Variants in ITGA9 observed in about 807,000 individuals in gnomAD.
The protein encoded by ITGA9 is integrin subunit alpha 9.
In ITGA9, 56 loss-of-function variants were observed where a neutral mutation model predicts 127.8. That is an observed-to-expected ratio of 0.44 (90% CI 0.35 to 0.55). The LOEUF is 0.55. Ranked by LOEUF, ITGA9 falls within the 20% of genes least tolerant of loss-of-function variation. The pLI is 0.00. For missense variants in ITGA9, 1,196 were observed against 1,347.1 expected, an observed-to-expected ratio of 0.89 and a Z score of 1.76; for synonymous variants, 508 against 514.5, an observed-to-expected ratio of 0.99 and a Z score of 0.17.
intron 17 of ITGA9, 88 bp downstream of exon 17, chr3:37,653,878 T>C (rs921573223): frequency 2.2e-6 from 2 of 921,824 alleles, no homozygotes; most frequent in Non-Finnish European, 1.8e-6. Context: ...ATTTCCCCAC[T>C]GAAGAGGATA....
At chr3:37,477,498 A>G (rs1393303922) in intron 3 of ITGA9, among the ~76,000 whole-genome samples, 4 of 152,176 alleles carry the variant, frequency 2.6e-5, no homozygotes, top group African/African-American at 4.8e-5. Flanking sequence ...GTGCCTGCCC[A>G]TCTCAGCTCC....
intron 11 of ITGA9, among the ~76,000 whole-genome samples, chr3:37,523,320 G>T (rs565021030): frequency 2.6e-5 from 4 of 151,972 alleles, no homozygotes; most frequent in Non-Finnish European, 5.9e-5. Context: ...ATGACGTTTG[G>T]CCAAGACAAG....
intron 15 of ITGA9, among the ~76,000 whole-genome samples, chr3:37,550,158 G>T (rs775603654): frequency 6.6e-6 from 1 of 152,132 alleles, no homozygotes. Context: ...ATTTAAACCC[G>T]CAAGTCTGGC....
At position 37,513,747 on chromosome 3, in the gene ITGA9, C is replaced by T. The variant is rs766290916; in HGVS notation, c.898-16C>T. The T allele has an allele frequency of 6.8e-6, 11 of 1,613,970 alleles. No homozygotes were observed. In the African/African-American group the frequency reaches 1.2e-4, roughly 18 times the overall value. On this transcript the variant is annotated splice_polypyrimidine_tract_variant and intron_variant, in intron 8 of 27. Coordinates refer to ENST00000264741, the MANE Select transcript of ITGA9 (RefSeq NM_002207.3). ...GCAGACACTGAATGCTTTGTTGCAA[C>T]TCAACTTGGTTGCAGATGGGCTCTT...
intron 18 of ITGA9, among the ~76,000 whole-genome samples, chr3:37,693,907 C>T (rs989699946): frequency 1.3e-5 from 2 of 152,188 alleles, no homozygotes; most frequent in African/African-American, 4.8e-5. Flanking sequence ...ATAGTAGCCT[C>T]AAGTAAAATT....
chr3:37,560,707 G>C (rs546003153), intron 15 of ITGA9, among the ~76,000 whole-genome samples: 2 of 152,176 alleles, frequency 1.3e-5, no homozygotes, highest in African/African-American at 2.4e-5. Context: ...GACCGGTGAT[G>C]ATGAGCATTT....
At chr3:37,723,279 C>T (rs1218125055) in intron 18 of ITGA9, among the ~76,000 whole-genome samples, 1 of 151,978 alleles carries the variant, frequency 6.6e-6, no homozygotes, top group Non-Finnish European at 1.5e-5. Context: ...TTAATGGTGT[C>T]CTTTGAAACA....
At chr3:37,473,826 C>G (rs1400802144) in intron 3 of ITGA9, among the ~76,000 whole-genome samples, 1 of 152,126 alleles carries the variant, frequency 6.6e-6, no homozygotes, top group Non-Finnish European at 1.5e-5. Flanking sequence ...ACCATATGCC[C>G]ACTGAGATAT....
Position 37,663,990 on chromosome 3 carries a change from A to G in ITGA9, c.1916+10200A>G, listed in dbSNP as rs546371564. On this transcript the variant is annotated intron_variant, in intron 17 of 27. Transcript: ENST00000264741. ...GCATTATTATTTCATTTAATCCTCA[A>G]CAACACTGAGAATAAATATTCTTAT... 4.6e-5 allele frequency among the ~76,000 whole-genome samples: 7 copies of G among 152,360 alleles called. No homozygotes were observed. In the South Asian group the frequency reaches 1.2e-3, roughly 27 times the overall value.
chr3:37,492,328 C>T (rs1256059509), intron 4 of ITGA9, among the ~76,000 whole-genome samples: 2 of 152,208 alleles, frequency 1.3e-5, no homozygotes, highest in African/African-American at 4.8e-5. Context: ...TGTCCCAGGC[C>T]CTCAGACCTC....
intron 15 of ITGA9, among the ~76,000 whole-genome samples, chr3:37,591,779 C>A (rs185278238): frequency 5.3e-5 from 8 of 152,354 alleles, no homozygotes; most frequent in Admixed American, 4.6e-4. Context: ...TACATTCTAA[C>A]CCATCCCCAG....
intron 15 of ITGA9, among the ~76,000 whole-genome samples, chr3:37,576,748 C>A (rs545979831): frequency 1.4e-4 from 22 of 152,298 alleles, no homozygotes; most frequent in Admixed American, 5.9e-4. Context: ...GGACTACAGG[C>A]GCACCACCAC....
chr3:37,509,655 A>T (rs778876354), intron 8 of ITGA9, among the ~76,000 whole-genome samples: 1 of 152,226 alleles, frequency 6.6e-6, no homozygotes, highest in Non-Finnish European at 1.5e-5. Flanking sequence ...TATCTTTTGA[A>T]TAAAAAATGC....
chr3:37,784,926 A>G, intron 25 of ITGA9, 51 bp from the exon 26 acceptor site: 1 of 1,473,126 alleles, frequency 6.8e-7, no homozygotes, highest in Admixed American at 1.7e-5. Flanking sequence ...CTCAAGGCCC[A>G]GCCATTATCA....
At chr3:37,675,655 T>G (rs1235777184) in intron 17 of ITGA9, among the ~76,000 whole-genome samples, 1 of 152,066 alleles carries the variant, frequency 6.6e-6, no homozygotes, top group Non-Finnish European at 1.5e-5. Context: ...ATGTTACGCT[T>G]TTTTTTTCAG....
intron 15 of ITGA9, among the ~76,000 whole-genome samples, chr3:37,550,710 A>G (rs1047938881): frequency 6.6e-6 from 1 of 152,250 alleles, no homozygotes; most frequent in African/African-American, 2.4e-5. Context: ...TTATCTTAAT[A>G]TAATTTACTT....
At chr3:37,727,959 C>T (rs191083472) in intron 18 of ITGA9, among the ~76,000 whole-genome samples, 18 of 152,320 alleles carry the variant, frequency 1.2e-4, no homozygotes, top group Admixed American at 2.6e-4. Flanking sequence ...TCATGAAAGT[C>T]TGCATCTTTT....
At chr3:37,529,647 AC>A (rs760648412) in intron 13 of ITGA9, among the ~76,000 whole-genome samples, 2 of 152,210 alleles carry the variant, frequency 1.3e-5, no homozygotes, top group African/African-American at 2.4e-5. Flanking sequence ...CAAGTCCCTT[AC>A]CCTCTTGGAA....
At chr3:37,540,378 T>C (rs986548313) in intron 14 of ITGA9, among the ~76,000 whole-genome samples, 1 of 152,240 alleles carries the variant, frequency 6.6e-6, no homozygotes, top group African/African-American at 2.4e-5. Flanking sequence ...TTCATTTAAA[T>C]GTAATCTTTC....
Sources: gnomAD v4.1 joint callset for allele counts (sites outside exome capture counted in the v4.1 genomes callset) on GRCh38, gnomAD v4.1.1 for gene constraint, MANE v1.5 for transcripts, NCBI Gene and HGNC (gene_info 2026-07-23, HGNC 2026-07-21) for gene names.